Variants in PCDHA7 observed in about 807,000 individuals in gnomAD.
PCDHA7 encodes protocadherin alpha-7.
PCDHA7 carries 37 observed loss-of-function variants against 57.2 expected under a neutral mutation model. The observed-to-expected ratio is 0.65, with a 90% CI of 0.50 to 0.85. The LOEUF (loss-of-function observed/expected upper bound fraction) is 0.85. Among genes scored for constraint, PCDHA7 ranks in the 40% least tolerant of loss-of-function variants. The probability of loss-of-function intolerance (pLI) is 0.00; values close to 1 mark genes in which losing one functional copy is unlikely to be tolerated. For synonymous variants in PCDHA7, 553 were observed against 558.8 expected (o/e 0.99, Z 0.15); for missense variants, 1,188 against 1,241.8 (o/e 0.96, Z 0.65).
chr5:140,992,017 C>CTGTGTG (rs10602499), intron 3 of PCDHA7, among the ~76,000 whole-genome samples: 2,290 of 145,594 alleles, frequency 0.016, 56 homozygotes, highest in African/African-American at 0.05. Flanking sequence ...AGAGGTGGCT[C>CTGTGTG]TGTGTGTGTG....
At chr5:141,003,870 C>A (rs1345140541) in intron 3 of PCDHA7, among the ~76,000 whole-genome samples, 8 of 152,148 alleles carry the variant, frequency 5.3e-5, no homozygotes, top group Admixed American at 3.9e-4. Flanking sequence ...GTCTGAAATC[C>A]TCCTTCTAGC....
At chr5:140,892,152 C>T (rs1364975733) in intron 1 of PCDHA7, among the ~76,000 whole-genome samples, 1 of 152,118 alleles carries the variant, frequency 6.6e-6, no homozygotes, top group African/African-American at 2.4e-5. Context: ...GCGTCTATTT[C>T]TGATATGTCC....
intron 1 of PCDHA7, among the ~76,000 whole-genome samples, chr5:140,933,588 G>A (rs2089253151): frequency 6.6e-6 from 1 of 151,988 alleles, no homozygotes; most frequent in Non-Finnish European, 1.5e-5. Flanking sequence ...TGGGTTTTTA[G>A]GTTGATTTGT....
At chr5:140,884,995 T>C (rs1168400289) in intron 1 of PCDHA7, among the ~76,000 whole-genome samples, 1 of 152,228 alleles carries the variant, frequency 6.6e-6, no homozygotes, top group African/African-American at 2.4e-5. Context: ...AAAATGTTTG[T>C]TTTAATGAGG....
At chr5:140,869,151 C>T in intron 1 of PCDHA7, 1 of 1,613,806 alleles carries the variant, frequency 6.2e-7, no homozygotes, top group South Asian at 1.1e-5. Context: ...GACTACAGCT[C>T]TGGCTTCTCC....
chr5:140,970,751 T>G (rs2096430046), intron 1 of PCDHA7, among the ~76,000 whole-genome samples: 1 of 152,232 alleles, frequency 6.6e-6, no homozygotes, highest in African/African-American at 2.4e-5. Flanking sequence ...GCAATATATT[T>G]TCATTGACAT....
intron 1 of PCDHA7, chr5:140,884,070 C>T: frequency 1.2e-6 from 2 of 1,613,516 alleles, no homozygotes; most frequent in Non-Finnish European, 1.7e-6. Context: ...GACGCCGATT[C>T]GGGCTACAAT....
intron 3 of PCDHA7, among the ~76,000 whole-genome samples, chr5:140,990,330 A>C (rs1554251426): frequency 6.6e-6 from 1 of 152,122 alleles, no homozygotes; most frequent in African/African-American, 2.4e-5. Context: ...AAACTTTAAA[A>C]ATAAGTAAAG....
At chr5:140,928,701 G>A (rs782369096) in intron 1 of PCDHA7, 53 of 1,614,014 alleles carry the variant, frequency 3.3e-5, no homozygotes, top group Admixed American at 2.0e-4. Context: ...TCTCCCGGGC[G>A]TCTGACTCTA....
Position 140,849,847 on chromosome 5 carries a change from A to G in PCDHA7, c.2355+13109A>G, listed in dbSNP as rs2150453307. 2.4e-5 allele frequency: 39 copies of G among 1,598,408 alleles called. 5 individuals are homozygous for G. In the South Asian group the frequency reaches 2.8e-4, roughly 11 times the overall value. On this transcript the variant is annotated intron_variant, in intron 1 of 3. Transcript: ENST00000525929. ...GTGGAGGTGGCCGACGTGAACGACA[A>G]CGCACCAGCGTTCGCGCAGTCCGAG...
At chr5:140,914,059 G>A (rs2076582448) in intron 1 of PCDHA7, among the ~76,000 whole-genome samples, 1 of 152,202 alleles carries the variant, frequency 6.6e-6, no homozygotes, top group African/African-American at 2.4e-5. Flanking sequence ...GCTGTTGGAT[G>A]AAATGCTCCA....
At position 140,869,813 on chromosome 5, in the gene PCDHA7, A is replaced by T. The variant is rs782789559; in HGVS notation, c.2355+33075A>T. On this transcript the variant is annotated intron_variant, in intron 1 of 3. Transcript: ENST00000525929. Reference sequence around the variant, plus strand: ...TTAGTCCAAGTCTTGGATGTCAACGACAATGATCCAGAGTTTGATAAATCA... The same window carrying T: ...TTAGTCCAAGTCTTGGATGTCAACGTCAATGATCCAGAGTTTGATAAATCA... The T allele has an allele frequency of 3.1e-6, 5 of 1,612,416 alleles. No individual in the cohort carries two copies. The South Asian group carries it at 5.5e-5, about 18-fold the overall frequency.
intron 1 of PCDHA7, among the ~76,000 whole-genome samples, chr5:140,886,184 G>T (rs894479887): frequency 6.6e-6 from 1 of 151,966 alleles, no homozygotes; most frequent in Admixed American, 6.6e-5. Flanking sequence ...GCCTAATGCT[G>T]GCAAGCAGTA....
In PCDHA7 at chr5:140,882,158, C is replaced by T. The variant is rs2058980027; in HGVS notation, c.2355+45420C>T. ...GAAAATATAGCAGAAAGCGGAATAC[C>T]TCTTGCGAATCCTTCCGCACTAGGA... On this transcript the variant is annotated intron_variant, in intron 1 of 3. Coordinates refer to ENST00000525929, the MANE Select transcript of PCDHA7 (RefSeq NM_018910.3). The T allele has an allele frequency of 4.6e-6, 7 of 1,507,380 alleles. No homozygotes were observed. The South Asian group carries it at 8.2e-5, about 18-fold the overall frequency. 93.4% of individuals were successfully genotyped at this position (1,507,380 alleles called of 1,614,324 possible). A position where few individuals can be genotyped will look rare whatever the true frequency, so the allele number is the denominator to read the frequency against.
intron 1 of PCDHA7, among the ~76,000 whole-genome samples, chr5:140,915,626 G>GTCTCTCTCTCTCTCTC (rs57920489): frequency 1.4e-5 from 2 of 146,436 alleles, no homozygotes; most frequent in African/African-American, 2.5e-5. Context: ...GTCTCTTTCT[G>GTCTCTCTCTCTCTCTC]TCTCTCTCTC....
In PCDHA7 at chr5:140,850,799, C is replaced by T. The variant is rs2150498794; in HGVS notation, c.2355+14061C>T. On this transcript the variant is annotated intron_variant, in intron 1 of 3. Coordinates refer to ENST00000525929, the MANE Select transcript of PCDHA7 (RefSeq NM_018910.3). ...CTGGCGAGGGTAAGCAGAAGACCGA[C>T]CTCATGGCCTTCAGCCCGGGCCTTT... The T allele has an allele frequency of 1.8e-4, 280 of 1,598,266 alleles. 23 individuals are homozygous for T. The Admixed American group carries it at 4.6e-3, about 26-fold the overall frequency.
At chr5:140,872,582 G>T (rs535860760) in intron 1 of PCDHA7, among the ~76,000 whole-genome samples, 2 of 152,202 alleles carry the variant, frequency 1.3e-5, no homozygotes, top group African/African-American at 4.8e-5. Context: ...ACCTATCATC[G>T]TGAGACCCCC....
At chr5:140,863,799 G>C (rs1246230954) in intron 1 of PCDHA7, 1 of 212,342 alleles carries the variant, frequency 4.7e-6, no homozygotes, top group Non-Finnish European at 9.6e-6. Context: ...AGGAGTTTGA[G>C]ACCAGCCTGG....
intron 3 of PCDHA7, among the ~76,000 whole-genome samples, chr5:140,998,830 C>G (rs1385890461): frequency 6.6e-6 from 1 of 152,200 alleles, no homozygotes; most frequent in African/African-American, 2.4e-5. Flanking sequence ...TCCCAAAGTG[C>G]TGGATTACTG....
Sources: gnomAD v4.1 joint callset for allele counts (sites outside exome capture counted in the v4.1 genomes callset) on GRCh38, gnomAD v4.1.1 for gene constraint, MANE v1.5 for transcripts, NCBI Gene and HGNC (gene_info 2026-07-23, HGNC 2026-07-21) for gene names.